Variants in KCNN2 observed in about 807,000 individuals in gnomAD.
KCNN2 encodes potassium calcium-activated channel subfamily N member 2.
In KCNN2, 24 loss-of-function variants were observed where a neutral mutation model predicts 55.5. That is an observed-to-expected ratio of 0.43 (90% CI 0.31 to 0.61). The LOEUF (loss-of-function observed/expected upper bound fraction) is 0.61, where lower values mean the gene tolerates loss of function less well. Among genes scored for constraint, KCNN2 ranks in the 20% least tolerant of loss-of-function variants. KCNN2 has a pLI of 0.08. For synonymous variants in KCNN2, 431 were observed against 336.1 expected (o/e 1.28, Z -3.09); for missense variants, 754 against 853.6 (o/e 0.88, Z 1.45).
chr5:114,398,532 G>A (rs1482096023), intron 2 of KCNN2, among the ~76,000 whole-genome samples: 1 of 151,696 alleles, frequency 6.6e-6, no homozygotes, highest in Non-Finnish European at 1.5e-5. Context: ...GGCTATTCAG[G>A]CTTTTTTTGG....
At chr5:114,333,586 C>A (rs925331499) in intron 2 of KCNN2, among the ~76,000 whole-genome samples, 1 of 149,966 alleles carries the variant, frequency 6.7e-6, no homozygotes, top group African/African-American at 2.5e-5. Context: ...CTGTAGATGG[C>A]AGTTACTGTT....
At chr5:114,148,456 G>T (rs1237970059) in intron 1 of KCNN2, among the ~76,000 whole-genome samples, 1 of 152,052 alleles carries the variant, frequency 6.6e-6, no homozygotes, top group African/African-American at 2.4e-5. Flanking sequence ...TTGGAAATTG[G>T]CCACTGCTCT....
chr5:114,288,106 C>T (rs1293846801), intron 2 of KCNN2, among the ~76,000 whole-genome samples: 1 of 152,168 alleles, frequency 6.6e-6, no homozygotes, highest in African/African-American at 2.4e-5. Context: ...AACGTGTGCT[C>T]TTTTGTGTCT....
At chr5:114,396,277 A>G (rs1758614199) in intron 2 of KCNN2, among the ~76,000 whole-genome samples, 1 of 151,946 alleles carries the variant, frequency 6.6e-6, no homozygotes, top group Admixed American at 6.6e-5. Flanking sequence ...GAATCAGGAG[A>G]AAGGGCTTTT....
intron 2 of KCNN2, among the ~76,000 whole-genome samples, chr5:114,304,136 G>A (rs1200552428): frequency 1.3e-5 from 2 of 152,060 alleles, no homozygotes; most frequent in Non-Finnish European, 2.9e-5. Flanking sequence ...TGTTCTTTAG[G>A]GCTACTCCTG....
chr5:114,141,294 G>A (rs934912104), intron 1 of KCNN2, among the ~76,000 whole-genome samples: 14 of 151,760 alleles, frequency 9.2e-5, no homozygotes, highest in African/African-American at 2.4e-4. Flanking sequence ...CCAACCCCAC[G>A]ACAGGCCCCG....
At position 114,362,663 on chromosome 5, in the gene KCNN2, G is replaced by T; in HGVS notation, c.524G>T (p.Ser175Ile). Reference protein sequence around the residue: ...PAASPTGSLGSLGSGPPLSHH... With the variant: ...PAASPTGSLGILGSGPPLSHH... ...GCCAGCCCCACGGGCAGCCTCGGCA[G>T]TCTGGGCTCCGGGCCCCCGCTCTCG... The change falls in exon 1 of 8, where the codon AGT (serine) becomes ATT (isoleucine). Residue 175 changes from serine (S) to isoleucine (I), a missense_variant. Physicochemically the swap from Ser to Ile is moderately radical, Grantham distance 142. Around this residue, in one of 4 missense-constraint regions of KCNN2, gnomAD observed 381 missense variants for 259.1 expected, o/e 1.47. Transcript: ENST00000673685. 1.4e-6 allele frequency: 2 copies of T among 1,398,586 alleles called. No individual in the cohort carries two copies. The highest frequency in any genetic ancestry group is 1.9e-6 in the Non-Finnish European group (2 of 1,067,038). 86.6% of individuals were successfully genotyped at this position (1,398,586 alleles called of 1,614,324 possible).
chr5:114,067,978 A>G (rs1040984322), intron 1 of KCNN2, among the ~76,000 whole-genome samples: 2 of 152,218 alleles, frequency 1.3e-5, no homozygotes, highest in African/African-American at 4.8e-5. Flanking sequence ...AATGGAAGGA[A>G]TCACCTGTTT....
At chr5:114,406,254 T>C (rs867389096) in intron 3 of KCNN2, among the ~76,000 whole-genome samples, 1 of 151,990 alleles carries the variant, frequency 6.6e-6, no homozygotes, top group Non-Finnish European at 1.5e-5. Flanking sequence ...GTATTTTAAA[T>C]ACAATTGCTT....
intron 1 of KCNN2, among the ~76,000 whole-genome samples, chr5:114,177,141 G>GT (rs33951023): frequency 0.32 from 46,378 of 143,444 alleles, 8,429 homozygotes; most frequent in African/African-American, 0.48. Flanking sequence ...TAATATGCTG[G>GT]TTTTTTTTTT....
chr5:114,402,688 C>T (rs1328651072), intron 2 of KCNN2, among the ~76,000 whole-genome samples: 3 of 152,076 alleles, frequency 2.0e-5, no homozygotes, highest in African/African-American at 4.8e-5. Flanking sequence ...TGGCGGCCCT[C>T]GAGGAAAACA....
chr5:114,180,728 C>T (rs910135569), intron 1 of KCNN2, among the ~76,000 whole-genome samples: 2 of 152,058 alleles, frequency 1.3e-5, no homozygotes, highest in African/African-American at 4.8e-5. Flanking sequence ...CCACCCAAAC[C>T]CCTAATACAA....
intron 3 of KCNN2, among the ~76,000 whole-genome samples, chr5:114,433,202 C>A (rs1387393086): frequency 1.3e-5 from 2 of 152,188 alleles, no homozygotes; most frequent in African/African-American, 4.8e-5. Context: ...GTAAATACAC[C>A]AATTGGCATT....
rs191788599 is a variant in KCNN2 at position 114,458,858 on chromosome 5, C to T, written c.1638-4191C>T. Among the ~76,000 whole-genome samples the T allele has an allele frequency of 1.7e-3, 263 of 152,212 alleles. 1 individual carries two copies. The highest frequency in any genetic ancestry group is 6.0e-3 in the African/African-American group (248 of 41,542). On this transcript the variant is annotated intron_variant, in intron 3 of 7. Coordinates refer to ENST00000673685, the MANE Select transcript of KCNN2 (RefSeq NM_021614.4). ...AACGAGGGTTAGAGAGAAGGGGGGA[C>T]GTGTTTCCCAGCAGAAGGAAATACA...
intron 2 of KCNN2, among the ~76,000 whole-genome samples, chr5:114,252,911 C>G (rs1051896447): frequency 1.3e-5 from 2 of 152,086 alleles, no homozygotes; most frequent in Admixed American, 1.3e-4. Context: ...ATTTCCCTGA[C>G]CCTCCCCACC....
intron 2 of KCNN2, among the ~76,000 whole-genome samples, chr5:114,323,909 A>C (rs1245208185): frequency 6.6e-6 from 1 of 151,992 alleles, no homozygotes; most frequent in Non-Finnish European, 1.5e-5. Context: ...GGCCTCCCAA[A>C]GTGCTGGGAG....
intron 1 of KCNN2, among the ~76,000 whole-genome samples, chr5:114,115,734 A>G (rs776720852): frequency 6.6e-6 from 1 of 152,066 alleles, no homozygotes; most frequent in Non-Finnish European, 1.5e-5. Context: ...GTTGTAGTAG[A>G]CATCTTTTAG....
intron 6 of KCNN2, among the ~76,000 whole-genome samples, chr5:114,492,298 CTTTCA>C (rs1328700171): frequency 6.6e-6 from 1 of 152,068 alleles, no homozygotes; most frequent in Non-Finnish European, 1.5e-5. Context: ...ACATAATTAC[CTTTCA>C]TTTCAATTGA....
At chr5:114,099,334 C>T (rs1291272900) in intron 1 of KCNN2, among the ~76,000 whole-genome samples, 3 of 152,082 alleles carry the variant, frequency 2.0e-5, no homozygotes, top group Non-Finnish European at 2.9e-5. Context: ...AACTGAAAAG[C>T]GTTACTCCCA....
Sources: allele counts gnomAD v4.1 joint callset (sites outside exome capture counted in the v4.1 genomes callset), GRCh38; gene constraint gnomAD v4.1.1; regional missense constraint gnomAD v4.1.1; transcripts MANE v1.5; gene names NCBI Gene and HGNC (gene_info 2026-07-23, HGNC 2026-07-21).